ABR: variants seen among roughly 807,000 people sequenced by gnomAD.
The protein encoded by ABR is active breakpoint cluster region-related protein.
A neutral mutation model predicts 107.2 loss-of-function variants in ABR; 35 were observed. The ratio of observed to expected loss-of-function variants is 0.33; its 90% CI spans 0.25 to 0.43. ABR has a LOEUF of 0.43. Among genes scored for constraint, ABR ranks in the 20% least tolerant of loss-of-function variants. The pLI is 1.00. For synonymous variants in ABR, 498 were observed against 462.0 expected, an observed-to-expected ratio of 1.08 and a Z score of -1.00; for missense variants, 815 against 1,115.2, an observed-to-expected ratio of 0.73 and a Z score of 3.83.
chr17:1,178,500 G>A (rs1252991460), intron 1 of ABR, among the ~76,000 whole-genome samples: 2 of 151,494 alleles, frequency 1.3e-5, no homozygotes, highest in Admixed American at 6.6e-5. Context: ...GGAGGCAGAG[G>A]TTGCAATGAG....
chr17:1,010,068 C>T lies in ABR; in HGVS notation c.2237-284G>A. ...CCTTGGGTGCTGGGGCATCCCCTGT[C>T]TCGTAACAGGACACCCCCTGGTCTG... On this transcript the variant is annotated intron_variant, in intron 20 of 22. Coordinates refer to ENST00000302538, the MANE Select transcript of ABR (RefSeq NM_021962.5). The surrounding 1 kb of genome is among the most constrained non-coding windows in gnomAD (Gnocchi z 4.1). 1 of 535,780 alleles carries T rather than the reference C, an allele frequency of 1.9e-6. No homozygotes were observed. Among genetic ancestry groups the T allele is most frequent in the Non-Finnish European group, 3.4e-6 (1 of 296,414 alleles). 33.2% of individuals were successfully genotyped at this position (535,780 alleles called of 1,614,324 possible). A position where few individuals can be genotyped will look rare whatever the true frequency, so the allele number is the denominator to read the frequency against.
chr17:1,018,089 C>A (rs1271741413), intron 16 of ABR, among the ~76,000 whole-genome samples: 2 of 129,098 alleles, frequency 1.5e-5, no homozygotes, highest in African/African-American at 6.1e-5. Flanking sequence ...GTCGCCCAGG[C>A]TGGAGTGCTG....
At chr17:1,091,516 C>T (rs1326072663) in intron 4 of ABR, 149 bp downstream of exon 4, 4 of 905,086 alleles carry the variant, frequency 4.4e-6, no homozygotes, top group East Asian at 2.7e-5. Flanking sequence ...CCCCATAACA[C>T]ACAGGCCCAG....
At chr17:1,184,894 C>T (rs1210099397), upstream of ABR, 1 of 152,168 alleles carries the variant, frequency 6.6e-6, no homozygotes, top group Non-Finnish European at 1.5e-5. Context: ...TCACGTAATC[C>T]TTACAATAAG....
At chr17:1,105,462 C>CAT (rs34576166) in intron 2 of ABR, among the ~76,000 whole-genome samples, 118,673 of 152,042 alleles carry the variant, frequency 0.78, 46,868 homozygotes, top group African/African-American at 0.91. Flanking sequence ...CAAATCACCA[C>CAT]GTGGGGCCCG....
At position 1,178,434 on chromosome 17, in the gene ABR, GGT is replaced by G. The variant is rs2041988383; in HGVS notation, c.61+1231_61+1232del. ...AAAAAATTAGCCGAGAGTGGTGGTG[GGT>G]ACCTGTAATCCCAGCTACTCAGGAG... On this transcript the variant is annotated intron_variant, in intron 1 of 22. Transcript: ENST00000302538. Among the ~76,000 whole-genome samples the G allele has an allele frequency of 2.6e-5, 4 of 152,060 alleles. No individual in the cohort carries two copies. The South Asian group carries it at 8.3e-4, about 32-fold the overall frequency.
chr17:1,056,568 A>G (rs1396745344), intron 13 of ABR, among the ~76,000 whole-genome samples: 1 of 152,056 alleles, frequency 6.6e-6, no homozygotes, highest in Non-Finnish European at 1.5e-5. Context: ...CCCAGCCCTG[A>G]TCACAGCTCC....
chr17:1,173,173 C>A (rs1247905999), intron 1 of ABR, among the ~76,000 whole-genome samples: 1 of 127,296 alleles, frequency 7.9e-6, no homozygotes, highest in Non-Finnish European at 1.7e-5. Context: ...CACCTCAGTC[C>A]ACCCAACACA....
In ABR at chr17:1,215,256, C is replaced by T. The variant is rs529026417; in HGVS notation, c.838+13537G>A. ...AAAGAAAAGAAAGAGCTCTCCCTCTCCCTCTCTCTCCACGGTCTCCCTCTG... is the reference window on the plus strand; with the variant it reads ...AAAGAAAAGAAAGAGCTCTCCCTCTTCCTCTCTCTCCACGGTCTCCCTCTG... On this transcript the variant is annotated intron_variant, in intron 1 of 22. Coordinates refer to the ABR transcript ENST00000574139. 4.3e-4 allele frequency among the ~76,000 whole-genome samples: 66 copies of T among 152,036 alleles called. No homozygotes were observed. In the East Asian group the frequency reaches 5.2e-3, roughly 12 times the overall value.
intron 5 of ABR, among the ~76,000 whole-genome samples, chr17:1,081,489 T>C (rs1264818006): frequency 6.6e-6 from 1 of 152,180 alleles, no homozygotes; most frequent in Non-Finnish European, 1.5e-5. Flanking sequence ...TGGTCAGCCA[T>C]CCTCTCTCTG....
chr17:1,213,944 A>G (rs2042951389), intron 1 of ABR, among the ~76,000 whole-genome samples: 1 of 151,228 alleles, frequency 6.6e-6, no homozygotes, highest in Admixed American at 6.6e-5. Context: ...CTGGAGTGCA[A>G]TGGCACAATC....
At chr17:1,060,179 G>C (rs2033761663) in intron 10 of ABR, among the ~76,000 whole-genome samples, 1 of 152,230 alleles carries the variant, frequency 6.6e-6, no homozygotes, top group Admixed American at 6.5e-5. Flanking sequence ...GGGAGGCCGA[G>C]GTGGGCGGAT....
At chr17:1,136,124 C>T (rs764653065) in intron 1 of ABR, among the ~76,000 whole-genome samples, 21 of 152,184 alleles carry the variant, frequency 1.4e-4, no homozygotes, top group Non-Finnish European at 2.8e-4. Flanking sequence ...CGAAGCCAGG[C>T]ACGGATCCCT....
At chr17:1,203,045 C>T (rs1350269755) in intron 1 of ABR, among the ~76,000 whole-genome samples, 3 of 152,068 alleles carry the variant, frequency 2.0e-5, no homozygotes, top group Admixed American at 2.0e-4. Context: ...CACCACCACG[C>T]CTGGCTAATT....
intron 16 of ABR, among the ~76,000 whole-genome samples, chr17:1,014,231 G>T (rs971699814): frequency 9.2e-5 from 14 of 152,228 alleles, no homozygotes; most frequent in African/African-American, 3.1e-4. Flanking sequence ...CACGAGCTCA[G>T]GAGATCGAGA....
chr17:1,076,742 G>A (rs1238732090), intron 6 of ABR, among the ~76,000 whole-genome samples: 1 of 144,558 alleles, frequency 6.9e-6, no homozygotes, highest in Non-Finnish European at 1.5e-5. Context: ...GGGGGGTGGC[G>A]GCACTGGGAC....
chr17:1,226,051 C>T (rs948698635), intron 1 of ABR, among the ~76,000 whole-genome samples: 1 of 152,188 alleles, frequency 6.6e-6, no homozygotes. Flanking sequence ...GTCCAATGCA[C>T]TCATCTTGAG....
chr17:1,132,377 CTTTTTT>C (rs782501170), intron 1 of ABR, among the ~76,000 whole-genome samples: 11 of 125,758 alleles, frequency 8.7e-5, no homozygotes, highest in African/African-American at 2.4e-4. Flanking sequence ...ACCGAAAGCA[CTTTTTT>C]TTTTTTTTTT....
intron 1 of ABR, among the ~76,000 whole-genome samples, chr17:1,147,351 G>A (rs971770017): frequency 2.6e-4 from 37 of 143,138 alleles, no homozygotes; most frequent in African/African-American, 8.6e-4. Context: ...GTAATTTGTG[G>A]GGGGTTTTGG....
Sources: gnomAD v4.1 joint callset for allele counts (sites outside exome capture counted in the v4.1 genomes callset) on GRCh38, gnomAD v4.1.1 for gene constraint, Gnocchi (gnomAD v3.1) non-coding constraint, MANE v1.5 for transcripts, NCBI Gene and HGNC (gene_info 2026-07-23, HGNC 2026-07-21) for gene names.